Variants in SPTLC1 observed in about 807,000 individuals in gnomAD.
SPTLC1 encodes serine palmitoyltransferase 1.
A neutral mutation model predicts 68.9 loss-of-function variants in SPTLC1; 55 were observed. The observed-to-expected ratio is 0.80, with a 90% confidence interval of 0.64 to 1.00. The LOEUF is 1.00. SPTLC1 is among the 50% of genes least tolerant of loss of function. SPTLC1 has a pLI of 0.00. For missense variants in SPTLC1, 449 were observed against 573.1 expected (o/e 0.78, Z 2.21); for synonymous variants, 197 against 201.6 (o/e 0.98, Z 0.19).
At chr9:92,104,398 T>C in intron 3 of SPTLC1, 1 of 1,394,254 alleles carries the variant, frequency 7.2e-7, no homozygotes, top group Non-Finnish European at 9.4e-7. Flanking sequence ...TGGGCCTTCT[T>C]TTCCAGTCAG....
At chr9:92,098,322 A>C (rs1587603359) in intron 3 of SPTLC1, among the ~76,000 whole-genome samples, 2 of 150,130 alleles carry the variant, frequency 1.3e-5, no homozygotes, top group African/African-American at 4.9e-5. Context: ...CCCACTCCTC[A>C]CCCAGCATCC....
chr9:92,097,984 T>C (rs915141633), intron 3 of SPTLC1, among the ~76,000 whole-genome samples: 6 of 152,162 alleles, frequency 3.9e-5, no homozygotes, highest in East Asian at 3.8e-4. Context: ...TGAATGTAAA[T>C]AGGTATTGCA....
chr9:92,051,032 T>C, intron 8 of SPTLC1: 2 of 985,328 alleles, frequency 2.0e-6, no homozygotes, highest in Non-Finnish European at 2.4e-6. Context: ...GTTTCGTATC[T>C]GTCCATTAGC....
chr9:92,100,206 G>A (rs1177504295), intron 3 of SPTLC1, among the ~76,000 whole-genome samples: 1 of 152,002 alleles, frequency 6.6e-6, no homozygotes, highest in African/African-American at 2.4e-5. Flanking sequence ...CCAGAGGTCA[G>A]GAGTTTGAGA....
chr9:92,037,611 A>C (rs377215075), intron 13 of SPTLC1, among the ~76,000 whole-genome samples: 69 of 152,302 alleles, frequency 4.5e-4, no homozygotes, highest in African/African-American at 1.7e-3. Flanking sequence ...CCAGGGCAGG[A>C]AGCACTCTGG....
chr9:92,032,788 ATG>A (rs765094579), intron 14 of SPTLC1, among the ~76,000 whole-genome samples: 1 of 151,644 alleles, frequency 6.6e-6, no homozygotes, highest in Non-Finnish European at 1.5e-5. Context: ...AGGCAGGAGA[ATG>A]GCGTGAACCT....
chr9:92,105,583 G>C lies in SPTLC1; in HGVS notation c.260+3157C>G, dbSNP rs1835933201. On this transcript the variant is annotated intron_variant, in intron 3 of 14. Transcript: ENST00000262554. ...GGCTGCTCCACCATCTGGGAAGTGA[G>C]GAGCGCCTCTGCCCAGCCGCCCCAC... 5 of 538,732 alleles carry C rather than the reference G, an allele frequency of 9.3e-6. No homozygotes were observed. In the South Asian group the frequency reaches 1.1e-4, roughly 12 times the overall value. The allele number at this position is 538,732 out of a possible 1,614,324, so 33.4% of individuals were successfully genotyped here.
intron 14 of SPTLC1, among the ~76,000 whole-genome samples, chr9:92,034,477 C>G (rs1340019531): frequency 6.6e-6 from 1 of 152,120 alleles, no homozygotes; most frequent in Non-Finnish European, 1.5e-5. Flanking sequence ...GCAGGACGGT[C>G]CTTGTGGCAG....
intron 7 of SPTLC1, among the ~76,000 whole-genome samples, chr9:92,057,307 C>A (rs574515052): frequency 6.6e-6 from 1 of 152,244 alleles, no homozygotes; most frequent in African/African-American, 2.4e-5. Context: ...ATATGAATAT[C>A]CTTCAAAATG....
chr9:92,045,531 A>C (rs1833482253), intron 12 of SPTLC1, among the ~76,000 whole-genome samples: 2 of 127,960 alleles, frequency 1.6e-5, no homozygotes, highest in Non-Finnish European at 3.4e-5. Flanking sequence ...TAGTAAAAAA[A>C]AAAAAAAAAA....
At chr9:92,113,224 C>T (rs906358081) in intron 1 of SPTLC1, among the ~76,000 whole-genome samples, 5 of 152,316 alleles carry the variant, frequency 3.3e-5, no homozygotes, top group African/African-American at 1.2e-4. Flanking sequence ...CTACATTCAA[C>T]ACGCATAGGA....
chr9:92,034,633 A>C (rs561495719), intron 14 of SPTLC1, among the ~76,000 whole-genome samples, 177 bp downstream of exon 14: 9 of 152,336 alleles, frequency 5.9e-5, no homozygotes, highest in African/African-American at 2.2e-4. Context: ...GGAGCTTTTC[A>C]GTTAAAATTT....
intron 9 of SPTLC1, 72 bp from the exon 10 acceptor site, chr9:92,047,780 C>T: frequency 2.1e-6 from 2 of 937,620 alleles, no homozygotes; most frequent in South Asian, 1.4e-5. Context: ...AGCCTAGAGA[C>T]AAAATTTAAC....
rs1835119255 is a variant in SPTLC1 at position 92,086,140 on chromosome 9, G to A, written c.261-5177C>T. Among the ~76,000 whole-genome samples, 3 of 151,922 alleles carry A rather than the reference G, an allele frequency of 2.0e-5. No individual in the cohort carries two copies. In the South Asian group the frequency reaches 6.2e-4, roughly 32 times the overall value. On this transcript the variant is annotated intron_variant, in intron 3 of 14. Coordinates refer to ENST00000262554, the MANE Select transcript of SPTLC1 (RefSeq NM_006415.4). ...TTATTTTGAGCCTATGTGTGTCTCT[G>A]CACGTGAGATGGGTTTCCTGAATGC...
intron 3 of SPTLC1, among the ~76,000 whole-genome samples, chr9:92,097,364 A>G (rs1454914097): frequency 6.6e-6 from 1 of 152,248 alleles, no homozygotes; most frequent in African/African-American, 2.4e-5. Flanking sequence ...AAATGTGTAC[A>G]CATTATTTCA....
At chr9:92,097,647 T>A (rs767221431) in intron 3 of SPTLC1, among the ~76,000 whole-genome samples, 37 of 152,318 alleles carry the variant, frequency 2.4e-4, no homozygotes, top group Middle Eastern at 6.8e-3. Flanking sequence ...AGATAAATGG[T>A]TGCTAAGGCC....
chr9:92,109,178 C>T (rs1422054682), intron 2 of SPTLC1: 11 of 211,368 alleles, frequency 5.2e-5, no homozygotes, highest in Non-Finnish European at 1.1e-4. Flanking sequence ...GACTATATAT[C>T]AATGATGACG....
At chr9:92,079,661 T>C (rs1834808259) in intron 5 of SPTLC1, 1 of 1,148,596 alleles carries the variant, frequency 8.7e-7, no homozygotes, top group Admixed American at 1.7e-5. Flanking sequence ...CTCAGCCCCC[T>C]GCGTGGCTAG....
intron 12 of SPTLC1, among the ~76,000 whole-genome samples, chr9:92,039,274 T>C (rs1171132495): frequency 6.6e-6 from 1 of 152,238 alleles, no homozygotes; most frequent in Non-Finnish European, 1.5e-5. Flanking sequence ...ATTTTCTTTT[T>C]ACTTAGGATT....
Sources: gnomAD v4.1 joint callset for allele counts (sites outside exome capture counted in the v4.1 genomes callset) on GRCh38, gnomAD v4.1.1 for gene constraint, MANE v1.5 for transcripts, NCBI Gene and HGNC (gene_info 2026-07-23, HGNC 2026-07-21) for gene names.